Variants in BAZ1A observed in about 807,000 individuals in gnomAD.
The protein encoded by BAZ1A is bromodomain adjacent to zinc finger domain protein 1A.
BAZ1A carries 50 observed loss-of-function variants against 185.2 expected under a neutral mutation model. The observed-to-expected ratio is 0.27, with a 90% CI of 0.22 to 0.34. The LOEUF is 0.34. Ranked by LOEUF, BAZ1A falls within the 10% of genes least tolerant of loss-of-function variation. BAZ1A has a pLI of 1.00. For missense variants in BAZ1A, 1,356 were observed against 1,839.9 expected (o/e 0.74, Z 4.81); for synonymous variants, 571 against 615.6 (o/e 0.93, Z 1.07).
At chr14:34,805,883 C>CTTTTTT (rs748874302) in intron 6 of BAZ1A, among the ~76,000 whole-genome samples, 1 of 139,382 alleles carries the variant, frequency 7.2e-6, no homozygotes, top group East Asian at 2.0e-4. Flanking sequence ...CTACACATGA[C>CTTTTTT]TTTTTTTTTT....
chr14:34,863,371 C>T (rs2042804017), intron 2 of BAZ1A, among the ~76,000 whole-genome samples: 1 of 151,930 alleles, frequency 6.6e-6, no homozygotes, highest in African/African-American at 2.4e-5. Flanking sequence ...CCATGTTGGT[C>T]AGTCTGGTCT....
At chr14:34,804,010 C>T (rs941739831) in intron 6 of BAZ1A, among the ~76,000 whole-genome samples, 5 of 151,752 alleles carry the variant, frequency 3.3e-5, no homozygotes, top group African/African-American at 7.3e-5. Flanking sequence ...ATTTTATTTA[C>T]GTATTTATTT....
At chr14:34,858,083 T>C (rs537720789) in intron 3 of BAZ1A, among the ~76,000 whole-genome samples, 36 of 141,524 alleles carry the variant, frequency 2.5e-4, no homozygotes, top group African/African-American at 9.3e-4. Context: ...GGAGCTTACA[T>C]TCTGGTGGAG....
intron 6 of BAZ1A, among the ~76,000 whole-genome samples, chr14:34,805,372 A>T (rs1881800220): frequency 6.6e-6 from 1 of 152,108 alleles, no homozygotes; most frequent in African/African-American, 2.4e-5. Flanking sequence ...TTCCATGTTC[A>T]TTGACTTTTT....
chr14:34,769,072 G>A (rs1190900202), intron 21 of BAZ1A, among the ~76,000 whole-genome samples: 1 of 152,018 alleles, frequency 6.6e-6, no homozygotes, highest in Non-Finnish European at 1.5e-5. Context: ...GCTAAATTGG[G>A]AAAATGCCTA....
Position 34,780,329 on chromosome 14 carries a change from GAT to G in BAZ1A, c.2112-21_2112-20del, listed in dbSNP as rs1879956097. 6.3e-7 allele frequency: 1 copy of G among 1,593,684 alleles called. No individual in the cohort carries two copies. The highest frequency in any genetic ancestry group is 1.4e-5 in the African/African-American group (1 of 73,624). ...TTCCTCCCTTTAGGATAAAAACAAAGATGACATTTACTAATGAATATATAATT... is the reference window on the plus strand; with the variant it reads ...TTCCTCCCTTTAGGATAAAAACAAAGGACATTTACTAATGAATATATAATT... On this transcript the variant is annotated intron_variant, in intron 16 of 26. Coordinates refer to ENST00000360310, the MANE Select transcript of BAZ1A (RefSeq NM_013448.3).
chr14:34,862,257 G>T lies in BAZ1A; in HGVS notation c.179C>A (p.Pro60His), dbSNP rs1365925930. The T allele has an allele frequency of 6.2e-7, 1 of 1,613,998 alleles. No individual in the cohort carries two copies. Among genetic ancestry groups the T allele is most frequent in the Non-Finnish European group, 8.5e-7 (1 of 1,180,024 alleles). ...AAGTGCTTCCTGATACGTCAGTCCA[G>T]GTCTACCCGTCACAGCACAACTCCA... Reference protein sequence around the residue: ...LVWSCAVTGRPGLTYQEALES... With the variant: ...LVWSCAVTGRHGLTYQEALES... Residue 60 changes from proline to histidine, a missense_variant, in exon 3 of 27, where the codon CCT (proline) becomes CAT (histidine). Coordinates refer to ENST00000360310, the MANE Select transcript of BAZ1A (RefSeq NM_013448.3).
Position 34,866,404 on chromosome 14 carries a change from C to T in BAZ1A, c.114-4082G>A, listed in dbSNP as rs151150177. 1.8e-3 allele frequency among the ~76,000 whole-genome samples: 262 copies of T among 149,566 alleles called. 9 individuals carry two copies. In the East Asian group the frequency reaches 0.047, roughly 27 times the overall value. ...TCAGGAGGCTGAGGCAGGAGGAGCA[C>T]TTCAGCCCGTGAGGCCGAGGTTGCA... is the stretch of plus-strand genomic sequence containing the variant. On this transcript the variant is annotated intron_variant, in intron 2 of 26. Coordinates refer to ENST00000360310, the MANE Select transcript of BAZ1A (RefSeq NM_013448.3).
intron 20 of BAZ1A, among the ~76,000 whole-genome samples, chr14:34,772,445 CCTT>C (rs112969479): frequency 0.011 from 1,606 of 152,248 alleles, 28 homozygotes; most frequent in African/African-American, 0.037. Context: ...CTGGGTATAA[CCTT>C]CTATCAGTAC....
At chr14:34,844,775 GCGCACACACACACACA>G (rs1396310831) in intron 3 of BAZ1A, among the ~76,000 whole-genome samples, 18 of 135,596 alleles carry the variant, frequency 1.3e-4, no homozygotes, top group Middle Eastern at 3.8e-3. Flanking sequence ...ACACACACAC[GCGCACACACACACACA>G]CACACACACA....
chr14:34,839,967 G>A (rs2042389845), intron 3 of BAZ1A, among the ~76,000 whole-genome samples: 1 of 151,690 alleles, frequency 6.6e-6, no homozygotes, highest in Admixed American at 6.6e-5. Context: ...TTTAGCTTAG[G>A]CAAATTCTAT....
At chr14:34,826,304 CTG>C (rs971335255) in intron 3 of BAZ1A, 148 bp from the exon 4 acceptor site, 18 of 704,368 alleles carry the variant, frequency 2.6e-5, no homozygotes, top group Non-Finnish European at 3.8e-5. Context: ...AAAAGAAAAT[CTG>C]TAACATCTAA....
chr14:34,830,812 A>C (rs139083916), intron 3 of BAZ1A, among the ~76,000 whole-genome samples: 2,775 of 138,678 alleles, frequency 0.02, 36 homozygotes, highest in South Asian at 0.04. Flanking sequence ...TCCCCCAGGC[A>C]GTGTGCAATC....
chr14:34,847,390 A>G lies in BAZ1A; in HGVS notation c.392+14654T>C, dbSNP rs184788137. On this transcript the variant is annotated intron_variant, in intron 3 of 26. Coordinates refer to ENST00000360310, the MANE Select transcript of BAZ1A (RefSeq NM_013448.3). ...AGAAGGAGCAGGATTGAGAAAAAAA[A>G]AAGGTAGTGTAAGCTGACCAAATGA... Among the ~76,000 whole-genome samples the G allele has an allele frequency of 1.5e-4, 23 of 152,294 alleles. No homozygotes were observed. In the East Asian group the frequency reaches 4.4e-3, roughly 29 times the overall value.
intron 3 of BAZ1A, among the ~76,000 whole-genome samples, chr14:34,846,176 C>T (rs1368194364): frequency 1.3e-5 from 2 of 152,148 alleles, no homozygotes; most frequent in African/African-American, 4.8e-5. Flanking sequence ...CTGAAAGACA[C>T]AAAATAAAGC....
chr14:34,811,166 T>C (rs941880516), intron 4 of BAZ1A, 130 bp from the exon 5 acceptor site: 2 of 611,036 alleles, frequency 3.3e-6, no homozygotes, highest in Admixed American at 3.1e-5. Context: ...GTTTTTGAGA[T>C]GGAGTCTCAC....
In BAZ1A at chr14:34,874,598, G is replaced by A. The variant is rs763528918; in HGVS notation, c.7C>T (p.Leu3=). MP[L]LHRKPFVRQK... Reference sequence around the variant, plus strand: ...CTCACAAACGGCTTTCGGTGTAGCAGCGGCATCTCCCGTCCGCCCGCGGGC... The same window carrying A: ...CTCACAAACGGCTTTCGGTGTAGCAACGGCATCTCCCGTCCGCCCGCGGGC... Residue 3 remains leucine, a synonymous_variant, in exon 2 of 27, where the codon CTG becomes TTG. Coordinates refer to ENST00000360310, the MANE Select transcript of BAZ1A (RefSeq NM_013448.3). This position sits in a 1 kb window ranked among gnomAD's most constrained non-coding sequence, Gnocchi z 4.7. 20 of 1,607,164 alleles carry A rather than the reference G, an allele frequency of 1.2e-5. No homozygotes were observed. In the East Asian group the frequency reaches 3.9e-4, roughly 31 times the overall value.
intron 18 of BAZ1A, 148 bp from the exon 19 acceptor site, chr14:34,774,638 T>C (rs1879466748): frequency 2.9e-6 from 2 of 686,378 alleles, no homozygotes; most frequent in Admixed American, 3.3e-5. Flanking sequence ...TGAATGAATA[T>C]CATTTATCTT....
At chr14:34,768,999 T>G (rs973798546) in intron 21 of BAZ1A, among the ~76,000 whole-genome samples, 2 of 152,032 alleles carry the variant, frequency 1.3e-5, no homozygotes, top group Non-Finnish European at 2.9e-5. Flanking sequence ...ATTAGAGAGG[T>G]AGAACGTAAG....
Sources: gnomAD v4.1 joint callset for allele counts (sites outside exome capture counted in the v4.1 genomes callset) on GRCh38, gnomAD v4.1.1 for gene constraint, Gnocchi (gnomAD v3.1) non-coding constraint, MANE v1.5 for transcripts, NCBI Gene and HGNC (gene_info 2026-07-23, HGNC 2026-07-21) for gene names.